The following PIK3CB variants were observed in gnomAD, a reference collection of about 807,000 sequenced individuals.
The protein encoded by PIK3CB is phosphatidylinositol-4,5-bisphosphate 3-kinase catalytic subunit beta.
A neutral mutation model predicts 136.8 loss-of-function variants in PIK3CB; 39 were observed. The ratio of observed to expected loss-of-function variants is 0.29; its 90% confidence interval spans 0.22 to 0.37. The LOEUF (loss-of-function observed/expected upper bound fraction) is 0.37, where lower values mean the gene tolerates loss of function less well. Among genes scored for constraint, PIK3CB ranks in the 10% least tolerant of loss-of-function variants. PIK3CB has a pLI of 1.00. For synonymous variants in PIK3CB, 428 were observed against 436.6 expected, an observed-to-expected ratio of 0.98 and a Z score of 0.25; for missense variants, 868 against 1,275.4, an observed-to-expected ratio of 0.68 and a Z score of 4.87.
chr3:138,706,276 T>C (rs1189267996), intron 11 of PIK3CB, among the ~76,000 whole-genome samples: 1 of 152,160 alleles, frequency 6.6e-6, no homozygotes, highest in African/African-American at 2.4e-5. Context: ...AAAGATAAAA[T>C]ATATGACAGC....
chr3:138,827,430 A>G (rs1933829798), intron 1 of PIK3CB, among the ~76,000 whole-genome samples: 2 of 151,960 alleles, frequency 1.3e-5, no homozygotes, highest in South Asian at 4.2e-4. Context: ...CAAGGCAGGA[A>G]GATGGCTTGA....
At chr3:138,716,620 G>T (rs2108589943) in intron 8 of PIK3CB, among the ~76,000 whole-genome samples, 1 of 152,256 alleles carries the variant, frequency 6.6e-6, no homozygotes, top group East Asian at 1.9e-4. Flanking sequence ...GCACAGCCAG[G>T]TGCAGTGTCT....
chr3:138,707,592 T>A (rs947986575), intron 10 of PIK3CB: 24 of 1,091,576 alleles, frequency 2.2e-5, no homozygotes, highest in Admixed American at 5.3e-5. Flanking sequence ...TCTCTCTCCA[T>A]CAAAATTAGG....
chr3:138,773,517 A>G (rs754828917), intron 2 of PIK3CB, among the ~76,000 whole-genome samples: 1 of 152,238 alleles, frequency 6.6e-6, no homozygotes, highest in East Asian at 1.9e-4. Context: ...AAAAAATTTA[A>G]TAAAAGTCAT....
At chr3:138,694,973 C>T in intron 13 of PIK3CB, 66 bp from the exon 14 acceptor site, 1 of 1,479,162 alleles carries the variant, frequency 6.8e-7, no homozygotes, top group Non-Finnish European at 9.1e-7. Flanking sequence ...TTCCTTGACA[C>T]ACAGGAGCAC....
intron 1 of PIK3CB, among the ~76,000 whole-genome samples, chr3:138,833,756 G>A (rs1359307474): frequency 6.6e-6 from 1 of 152,126 alleles, no homozygotes. Context: ...GTAACAAGTG[G>A]CAGAGTTCAA....
intron 10 of PIK3CB, among the ~76,000 whole-genome samples, chr3:138,710,907 A>AC (rs2044483251): frequency 6.6e-6 from 1 of 151,786 alleles, no homozygotes; most frequent in Admixed American, 6.6e-5. Context: ...ACACTGTGAA[A>AC]CCCCGTCTCT....
chr3:138,670,953 C>CT (rs1254084635), intron 19 of PIK3CB, among the ~76,000 whole-genome samples: 1 of 151,904 alleles, frequency 6.6e-6, no homozygotes, highest in African/African-American at 2.4e-5. Flanking sequence ...AAAATTATTT[C>CT]TTTTTTTAAA....
chr3:138,680,815 G>C (rs1213466299), intron 19 of PIK3CB, among the ~76,000 whole-genome samples: 1 of 151,858 alleles, frequency 6.6e-6, no homozygotes, highest in African/African-American at 2.4e-5. Context: ...AGCCTCCCGA[G>C]TAGCTGGGAT....
intron 2 of PIK3CB, among the ~76,000 whole-genome samples, chr3:138,769,161 C>G (rs1344630307): frequency 6.6e-6 from 1 of 152,154 alleles, no homozygotes; most frequent in Non-Finnish European, 1.5e-5. Context: ...GCATGCAGCC[C>G]CGGCCACACC....
chr3:138,756,106 T>C (rs1320862765), intron 3 of PIK3CB, 127 bp from the exon 4 acceptor site: 2 of 456,200 alleles, frequency 4.4e-6, no homozygotes, highest in Non-Finnish European at 7.7e-6. Flanking sequence ...TGTTTAGCAA[T>C]AAAAGATTGG....
At position 138,656,265 on chromosome 3, in the gene PIK3CB, CTGGCGGA is replaced by C; in HGVS notation, c.2945_2951del (p.Phe982CysfsTer8). On this transcript the variant is annotated frameshift_variant and splice_region_variant, in exon 23 of 24. Transcript: ENST00000674063. LOFTEE classifies it high-confidence loss of function. ...AAATCAGATATGCATCCTCACAACA[CTGGCGGA>C]ACCTTTGGGTGATGCAGCAAACCAC... The C allele has an allele frequency of 6.2e-7, 1 of 1,614,162 alleles. No homozygotes were observed.
chr3:138,685,023 A>C lies in PIK3CB; in HGVS notation c.2137-220T>G. On this transcript the variant is annotated intron_variant, in intron 16 of 23. Transcript: ENST00000674063. ...ATAGCATCATTTTCAAACTTTCTTT[A>C]AACCTTTTCTTAAACAAAATCTTAC... 9.1e-6 allele frequency: 4 copies of C among 440,418 alleles called. No homozygotes were observed. In the East Asian group the frequency reaches 1.6e-4, roughly 17 times the overall value. The allele number at this position is 440,418 out of a possible 1,614,324, so 27.3% of individuals were successfully genotyped here. A position where few individuals can be genotyped will look rare whatever the true frequency, so the allele number is the denominator to read the frequency against.
intron 11 of PIK3CB, among the ~76,000 whole-genome samples, chr3:138,705,180 ACAAAACAAAC>A (rs1224031097): frequency 0.013 from 1,124 of 84,072 alleles, 180 homozygotes; most frequent in East Asian, 0.048. Context: ...AAAACAAAAA[ACAAAACAAAC>A]AAAAAAAAAA....
intron 6 of PIK3CB, among the ~76,000 whole-genome samples, chr3:138,735,123 A>AT (rs1342712913): frequency 2.0e-5 from 3 of 151,548 alleles, no homozygotes; most frequent in Non-Finnish European, 4.4e-5. Flanking sequence ...CAATTTTTAT[A>AT]TTTTTTGTAG....
chr3:138,665,013 A>G, intron 20 of PIK3CB, 23 bp downstream of exon 20: 1 of 1,531,240 alleles, frequency 6.5e-7, no homozygotes, highest in Non-Finnish European at 8.9e-7. Context: ...CAGAAAAATG[A>G]TAATTAAACA....
At chr3:138,766,289 A>G (rs2045731684) in intron 2 of PIK3CB, among the ~76,000 whole-genome samples, 1 of 152,224 alleles carries the variant, frequency 6.6e-6, no homozygotes, top group East Asian at 1.9e-4. Context: ...GATAACCATT[A>G]TTTATTTCTC....
chr3:138,784,315 G>A (rs973105798), intron 2 of PIK3CB, among the ~76,000 whole-genome samples: 1 of 152,188 alleles, frequency 6.6e-6, no homozygotes, highest in African/African-American at 2.4e-5. Flanking sequence ...CCGGGAAGCA[G>A]AGGTTGCAAT....
In PIK3CB at chr3:138,734,656, G is replaced by C. The variant is rs2045063200; in HGVS notation, c.950C>G (p.Pro317Arg). 2 of 1,611,296 alleles carry C rather than the reference G, an allele frequency of 1.2e-6. No individual in the cohort carries two copies. Among genetic ancestry groups the C allele is most frequent in the Non-Finnish European group, 1.7e-6 (2 of 1,178,162 alleles). The change falls in exon 7 of 24, where the codon CCA becomes CGA. Residue 317 changes from proline to arginine, a missense_variant. This residue lies in a region of PIK3CB where 612 missense variants were observed against 801.1 expected (regional missense o/e 0.76). Coordinates refer to ENST00000674063, the MANE Select transcript of PIK3CB (RefSeq NM_006219.3). ...NSSNLPLPLPPKKTRIISHVW... is the reference protein window; with the variant it reads ...NSSNLPLPLPRKKTRIISHVW... ...TACAGAAATAATTCGTGTTTTCTTT[G>C]GTGGTAATGGAAGAGGAAGATTAGA...
Sources: gnomAD v4.1 joint callset for allele counts (sites outside exome capture counted in the v4.1 genomes callset) on GRCh38, gnomAD v4.1.1 for gene constraint, gnomAD v4.1.1 regional missense constraint, MANE v1.5 for transcripts, NCBI Gene and HGNC (gene_info 2026-07-23, HGNC 2026-07-21) for gene names.